Variants in C1orf105 observed in about 807,000 individuals in gnomAD.
C1orf105 encodes uncharacterized protein C1orf105.
C1orf105 carries 17 observed loss-of-function variants against 20.8 expected under a neutral mutation model. That is an observed-to-expected ratio of 0.82 (90% confidence interval 0.56 to 1.23). The LOEUF is 1.23. Among genes scored for constraint, C1orf105 ranks in the 50% most tolerant of loss-of-function variants. The pLI, the probability that C1orf105 is intolerant of heterozygous loss-of-function variation, is 0.00. For missense variants in C1orf105, 219 were observed against 213.5 expected, an observed-to-expected ratio of 1.03 and a Z score of -0.16; for synonymous variants, 72 against 72.1, an observed-to-expected ratio of 1.00 and a Z score of 0.01.
At position 172,452,906 on chromosome 1, in the gene C1orf105, T is replaced by C; in HGVS notation, c.199-3509T>C. The C allele has an allele frequency of 2.0e-6, 3 of 1,496,446 alleles. No individual in the cohort carries two copies. The South Asian group carries it at 4.0e-5, about 20-fold the overall frequency. 92.7% of individuals were successfully genotyped at this position (1,496,446 alleles called of 1,614,324 possible). A position where few individuals can be genotyped will look rare whatever the true frequency, so the allele number is the denominator to read the frequency against. On this transcript the variant is annotated intron_variant, in intron 3 of 6. Transcript: ENST00000367727. Reference sequence around the variant, plus strand: ...TACTGTGAATGTGGACAATTCCCTCTCCATTCCTGTTATTGCTGCTGAGCT... The same window carrying C: ...TACTGTGAATGTGGACAATTCCCTCCCCATTCCTGTTATTGCTGCTGAGCT...
intron 1 of C1orf105, among the ~76,000 whole-genome samples, chr1:172,423,792 A>C (rs2071652608): frequency 1.3e-5 from 2 of 152,100 alleles, no homozygotes; most frequent in Non-Finnish European, 2.9e-5. Context: ...AGAATCAAGC[A>C]GAAATTCTGG....
chr1:172,423,569 C>G (rs954645397), intron 1 of C1orf105, among the ~76,000 whole-genome samples: 4 of 151,734 alleles, frequency 2.6e-5, no homozygotes, highest in African/African-American at 9.7e-5. Flanking sequence ...CAAGCATCCA[C>G]AAGCACAGGA....
chr1:172,453,509 A>G (rs929098), intron 3 of C1orf105, among the ~76,000 whole-genome samples: 38,921 of 152,024 alleles, frequency 0.26, 5,300 homozygotes, highest in East Asian at 0.35. Flanking sequence ...TTATATATGT[A>G]TTTTTCGTTT....
intron 3 of C1orf105, among the ~76,000 whole-genome samples, chr1:172,455,317 C>T (rs1247195838): frequency 2.6e-5 from 4 of 152,160 alleles, no homozygotes; most frequent in Admixed American, 2.6e-4. Context: ...GAACTCCTCA[C>T]TTTCTGTTCC....
intron 2 of C1orf105, among the ~76,000 whole-genome samples, chr1:172,448,005 G>A (rs749281822): frequency 1.3e-5 from 2 of 152,234 alleles, no homozygotes; most frequent in Non-Finnish European, 2.9e-5. Context: ...GAAGGGAGAA[G>A]ACATTCTGTG....
At chr1:172,436,210 T>C (rs1018411016) in intron 1 of C1orf105, among the ~76,000 whole-genome samples, 4 of 152,212 alleles carry the variant, frequency 2.6e-5, no homozygotes, top group Non-Finnish European at 4.4e-5. Flanking sequence ...AAGCTACCAA[T>C]GACTTTCTTC....
rs111575250 is a variant in C1orf105, at chr1:172,445,341, T to C, written c.107+183T>C. ...AAAAAATGATCACTGAGTATAGGCCTGGCTAGAGGAGATGAGATCTCAAAA... is the reference window on the plus strand; with the variant it reads ...AAAAAATGATCACTGAGTATAGGCCCGGCTAGAGGAGATGAGATCTCAAAA... On this transcript the variant is annotated intron_variant, in intron 2 of 6. Transcript: ENST00000367727. 2.4e-4 allele frequency among the ~76,000 whole-genome samples: 37 copies of C among 152,358 alleles called. 1 individual carries two copies. Among genetic ancestry groups the C allele is most frequent in the African/African-American group, 7.9e-4 (33 of 41,576 alleles).
At chr1:172,431,374 CACA>C (rs749076455) in intron 1 of C1orf105, 2 of 299,994 alleles carry the variant, frequency 6.7e-6, no homozygotes, top group South Asian at 3.2e-4. Context: ...CTAAACCAGT[CACA>C]ACATTCCCTT....
intron 1 of C1orf105, chr1:172,444,001 G>A: frequency 1.0e-6 from 1 of 1,000,318 alleles, no homozygotes; most frequent in Non-Finnish European, 1.2e-6. Flanking sequence ...AGAGTTCCTA[G>A]GGTTGCGCAG....
At chr1:172,454,778 T>C (rs1265853816) in intron 3 of C1orf105, among the ~76,000 whole-genome samples, 2 of 152,156 alleles carry the variant, frequency 1.3e-5, no homozygotes, top group Non-Finnish European at 2.9e-5. Context: ...CCTTTCAGCT[T>C]CACTGGAGCC....
intron 1 of C1orf105, among the ~76,000 whole-genome samples, chr1:172,437,728 T>TATA (rs71111014): frequency 0.37 from 53,552 of 143,740 alleles, 11,163 homozygotes; most frequent in East Asian, 0.54. Context: ...GAACTTAAAG[T>TATA]ATAATAATAA....
chr1:172,450,756 G>A (rs1414554573), intron 3 of C1orf105, among the ~76,000 whole-genome samples: 1 of 152,190 alleles, frequency 6.6e-6, no homozygotes, highest in African/African-American at 2.4e-5. Flanking sequence ...GTGCACGTGT[G>A]CCTGGAGCAG....
chr1:172,431,110 A>G, intron 1 of C1orf105: 1 of 642,460 alleles, frequency 1.6e-6, no homozygotes, highest in East Asian at 2.9e-5. Flanking sequence ...ATAACCCTGC[A>G]ATGGCTTTTA....
intron 3 of C1orf105, among the ~76,000 whole-genome samples, chr1:172,454,035 A>G (rs1271644866): frequency 1.3e-5 from 2 of 152,200 alleles, no homozygotes. Flanking sequence ...TGCAAATAAT[A>G]TCTGTTGCTT....
At chr1:172,466,145 G>C (rs1236734354) in intron 6 of C1orf105, among the ~76,000 whole-genome samples, 1 of 152,168 alleles carries the variant, frequency 6.6e-6, no homozygotes, top group Non-Finnish European at 1.5e-5. Context: ...AGGGGAACTA[G>C]AGCCAGAACT....
intron 1 of C1orf105, 87 bp from the exon 2 acceptor site, chr1:172,444,986 G>T (rs1215507667): frequency 7.7e-6 from 8 of 1,035,936 alleles, no homozygotes; most frequent in South Asian, 1.5e-5. Flanking sequence ...TTCACTATAT[G>T]GCTGCTATTA....
At chr1:172,458,893 G>A (rs1649497267) in intron 4 of C1orf105, among the ~76,000 whole-genome samples, 2 of 152,070 alleles carry the variant, frequency 1.3e-5, no homozygotes, top group Non-Finnish European at 2.9e-5. Context: ...AAATTCTTAT[G>A]TTTATAAACA....
intron 1 of C1orf105, among the ~76,000 whole-genome samples, chr1:172,438,681 G>A (rs979802255): frequency 6.6e-6 from 1 of 152,216 alleles, no homozygotes; most frequent in African/African-American, 2.4e-5. Flanking sequence ...GGGTTTGAGA[G>A]GGTTGACCCA....
At position 172,465,315 on chromosome 1, in the gene C1orf105, C is replaced by T. The variant is rs755471176; in HGVS notation, c.358C>T (p.Pro120Ser). Residue 120 changes from proline (P) to serine (S), a missense_variant, in exon 6 of 7, where the codon CCC (proline) becomes TCC (serine). By Grantham distance (74) the Pro-to-Ser change is moderately conservative (BLOSUM62 -1). Coordinates refer to ENST00000367727, the MANE Select transcript of C1orf105 (RefSeq NM_139240.4). ...TCCAATCAGAATGAGTCTTCATCAA[C>T]CCAAATTCCAGACTACACCTGAGCC... is the stretch of plus-strand genomic sequence containing the variant. ...CMSYRMSLHQPKFQTTPEPFH... is the reference protein window; with the variant it reads ...CMSYRMSLHQSKFQTTPEPFH... 11 of 1,613,016 alleles carry T rather than the reference C, an allele frequency of 6.8e-6. No individual in the cohort carries two copies. Among genetic ancestry groups the T allele is most frequent in the East Asian group, 2.2e-5 (1 of 44,870 alleles).
Sources: gnomAD v4.1 joint callset for allele counts (sites outside exome capture counted in the v4.1 genomes callset) on GRCh38, gnomAD v4.1.1 for gene constraint, MANE v1.5 for transcripts, NCBI Gene and HGNC (gene_info 2026-07-23, HGNC 2026-07-21) for gene names.